OSBPL6: variants seen among roughly 807,000 people sequenced by gnomAD.
OSBPL6 encodes oxysterol-binding protein-related protein 6.
In OSBPL6, 49 loss-of-function variants were observed where a neutral mutation model predicts 125.8. The ratio of observed to expected loss-of-function variants is 0.39; its 90% CI spans 0.31 to 0.49. The LOEUF (loss-of-function observed/expected upper bound fraction) is 0.49, where lower values mean the gene tolerates loss of function less well. Ranked by LOEUF, OSBPL6 falls within the 20% of genes least tolerant of loss-of-function variation. The pLI, the probability that OSBPL6 is intolerant of heterozygous loss-of-function variation, is 0.88. For missense variants in OSBPL6, 986 were observed against 1,135.4 expected (o/e 0.87, Z 1.89); for synonymous variants, 394 against 391.8 (o/e 1.01, Z -0.07).
intron 19 of OSBPL6, among the ~76,000 whole-genome samples, chr2:178,386,038 A>G (rs985179226): frequency 1.3e-5 from 2 of 152,240 alleles, no homozygotes; most frequent in African/African-American, 4.8e-5. Flanking sequence ...GCCTAATACA[A>G]AAAAGTTTCT....
chr2:178,263,520 A>G (rs970216521), intron 1 of OSBPL6, among the ~76,000 whole-genome samples: 1 of 152,180 alleles, frequency 6.6e-6, no homozygotes, highest in Non-Finnish European at 1.5e-5. Flanking sequence ...AAGATTTGCA[A>G]TCCTCTAGCA....
intron 1 of OSBPL6, among the ~76,000 whole-genome samples, chr2:178,259,521 A>G (rs1381255624): frequency 7.6e-6 from 1 of 132,258 alleles, no homozygotes; most frequent in African/African-American, 3.1e-5. Flanking sequence ...GTCGAATTGG[A>G]TCCAAATGTG....
intron 1 of OSBPL6, among the ~76,000 whole-genome samples, chr2:178,282,279 A>G (rs1371134993): frequency 3.9e-5 from 6 of 152,228 alleles, no homozygotes; most frequent in Admixed American, 3.9e-4. Context: ...CACACAGCAT[A>G]TGTGATGCGA....
At chr2:178,206,737 G>T (rs1559114578) in intron 1 of OSBPL6, among the ~76,000 whole-genome samples, 1 of 152,046 alleles carries the variant, frequency 6.6e-6, no homozygotes, top group Admixed American at 6.6e-5. Flanking sequence ...GTCTCAGCCT[G>T]CCAAGTAGCT....
At chr2:178,254,551 A>G (rs927257510) in intron 1 of OSBPL6, among the ~76,000 whole-genome samples, 4 of 152,232 alleles carry the variant, frequency 2.6e-5, no homozygotes, top group Non-Finnish European at 4.4e-5. Context: ...TGAAATGTAT[A>G]CTAAAAAATG....
At chr2:178,253,264 A>T (rs551282030) in intron 1 of OSBPL6, among the ~76,000 whole-genome samples, 1 of 152,092 alleles carries the variant, frequency 6.6e-6, no homozygotes, top group South Asian at 2.1e-4. Flanking sequence ...TCAGGCAATC[A>T]CCCACCTCGG....
intron 1 of OSBPL6, among the ~76,000 whole-genome samples, chr2:178,195,252 C>T (rs1349363531): frequency 1.3e-5 from 2 of 152,210 alleles, no homozygotes; most frequent in Non-Finnish European, 2.9e-5. Flanking sequence ...GGCACCCCTG[C>T]CCACCCGCTG....
chr2:178,193,847 G>A (rs977508622), upstream of OSBPL6, among the ~76,000 whole-genome samples: 3 of 152,186 alleles, frequency 2.0e-5, no homozygotes, highest in East Asian at 5.8e-4. Context: ...GAAGGAACCG[G>A]CTCTTCCTTT....
At chr2:178,254,901 A>G (rs2091829520) in intron 1 of OSBPL6, among the ~76,000 whole-genome samples, 1 of 152,200 alleles carries the variant, frequency 6.6e-6, no homozygotes. Context: ...GTAATTTATA[A>G]AGGAAAGAGG....
intron 14 of OSBPL6, 30 bp downstream of exon 14, chr2:178,372,263 A>G (rs767455461): frequency 3.3e-6 from 5 of 1,497,886 alleles, no homozygotes; most frequent in Admixed American, 1.9e-5. Context: ...GATGCAGAGT[A>G]CCTATTTTTT....
At chr2:178,307,195 G>T (rs541216094) in intron 3 of OSBPL6, among the ~76,000 whole-genome samples, 15 of 152,150 alleles carry the variant, frequency 9.9e-5, no homozygotes, top group Admixed American at 9.2e-4. Context: ...TAGATTCTAG[G>T]AGTGTGAGCA....
At chr2:178,199,906 A>G (rs985149566) in intron 1 of OSBPL6, among the ~76,000 whole-genome samples, 1 of 152,198 alleles carries the variant, frequency 6.6e-6, no homozygotes, top group African/African-American at 2.4e-5. Flanking sequence ...ACATATTTGG[A>G]TAAGGCAGTG....
In OSBPL6 at chr2:178,196,945, G is replaced by C. The variant is rs868132225; in HGVS notation, c.-351+2271G>C. Among the ~76,000 whole-genome samples the C allele has an allele frequency of 1.3e-4, 20 of 151,656 alleles. No homozygotes were observed. In the South Asian group the frequency reaches 2.9e-3, roughly 22 times the overall value. ...TCTGGATTCATTCATACTGTATGTA[G>C]TTGTAGTTCACTGACTTTCACTGCA... On this transcript the variant is annotated intron_variant, in intron 1 of 24. Transcript: ENST00000190611.
At chr2:178,245,960 A>G (rs956632049) in intron 1 of OSBPL6, among the ~76,000 whole-genome samples, 8 of 152,238 alleles carry the variant, frequency 5.3e-5, no homozygotes, top group Admixed American at 3.9e-4. Context: ...TATTCTACAC[A>G]CAGGCCCTGC....
chr2:178,257,849 G>A (rs1489093207), intron 1 of OSBPL6, among the ~76,000 whole-genome samples: 1 of 150,074 alleles, frequency 6.7e-6, no homozygotes, highest in African/African-American at 2.5e-5. Flanking sequence ...AGACCGGAGT[G>A]CAGTGGCACA....
At chr2:178,305,316 C>T (rs1432299623) in intron 2 of OSBPL6, among the ~76,000 whole-genome samples, 1 of 152,172 alleles carries the variant, frequency 6.6e-6, no homozygotes. Context: ...TTCTCTCTGA[C>T]ACAAGCTTTA....
rs1370662884 is a variant in OSBPL6 at position 178,397,357 on chromosome 2, C to G, written c.*1798C>G. The G allele has an allele frequency of 6.6e-6, 1 of 152,242 alleles. No individual in the cohort carries two copies. Among genetic ancestry groups the G allele is most frequent in the Admixed American group, 6.5e-5 (1 of 15,288 alleles). 9.4% of individuals were successfully genotyped at this position (152,242 alleles called of 1,614,324 possible). A position where few individuals can be genotyped will look rare whatever the true frequency, so the allele number is the denominator to read the frequency against. On this transcript the variant is annotated 3_prime_UTR_variant, in exon 25 of 25. Transcript: ENST00000190611. Reference sequence around the variant, plus strand: ...AAGCATTCTGCTTCAACAATACCCTCTCTATTCCTCTCATTCCCATTTTAA... The same window carrying G: ...AAGCATTCTGCTTCAACAATACCCTGTCTATTCCTCTCATTCCCATTTTAA...
intron 4 of OSBPL6, among the ~76,000 whole-genome samples, chr2:178,325,270 C>A (rs558815413): frequency 1.3e-5 from 2 of 152,226 alleles, no homozygotes; most frequent in East Asian, 3.9e-4. Context: ...CGGTTAACTT[C>A]TAAATATGTA....
chr2:178,211,149 T>A (rs1244442346), intron 1 of OSBPL6, among the ~76,000 whole-genome samples: 1 of 152,140 alleles, frequency 6.6e-6, no homozygotes, highest in Non-Finnish European at 1.5e-5. Context: ...TGCGCGCCTG[T>A]AGTCCCAGCT....
Sources: gnomAD v4.1 joint callset for allele counts (sites outside exome capture counted in the v4.1 genomes callset) on GRCh38, gnomAD v4.1.1 for gene constraint, MANE v1.5 for transcripts, NCBI Gene and HGNC (gene_info 2026-07-23, HGNC 2026-07-21) for gene names.